The following ROBO2 variants were observed in gnomAD, a reference collection of about 807,000 sequenced individuals.
ROBO2 encodes the protein roundabout homolog 2.
In ROBO2, 53 loss-of-function variants were observed where a neutral mutation model predicts 160.8. The ratio of observed to expected loss-of-function variants is 0.33; its 90% CI spans 0.26 to 0.41. The LOEUF is 0.41. Ranked by LOEUF, ROBO2 falls within the 10% of genes least tolerant of loss-of-function variation. The pLI is 1.00. For missense variants in ROBO2, 1,577 were observed against 1,722.4 expected (o/e 0.92, Z 1.49); for synonymous variants, 664 against 611.7 (o/e 1.09, Z -1.26).
Position 75,952,155 on chromosome 3 carries a change from G to T in ROBO2, c.109+14553G>T, listed in dbSNP as rs148399295. Among the ~76,000 whole-genome samples, 9 of 152,034 alleles carry T rather than the reference G, an allele frequency of 5.9e-5. No individual in the cohort carries two copies. In the East Asian group the frequency reaches 1.8e-3, roughly 30 times the overall value. ...CTACATTGAAATGACTCACAATGCT[G>T]TCATGACATTGAGTTTTGTGGAAAC... On this transcript the variant is annotated intron_variant, in intron 2 of 26. Coordinates refer to the ROBO2 transcript ENST00000487694.
intron 2 of ROBO2, among the ~76,000 whole-genome samples, chr3:76,305,049 G>A (rs1345192115): frequency 6.6e-6 from 1 of 151,910 alleles, no homozygotes; most frequent in African/African-American, 2.4e-5. Context: ...TTACATTGCT[G>A]TTGTTGCAGA....
chr3:76,250,209 C>T (rs1705903068), intron 2 of ROBO2, among the ~76,000 whole-genome samples: 2 of 152,146 alleles, frequency 1.3e-5, no homozygotes, highest in South Asian at 4.1e-4. Flanking sequence ...CTGCTTTTAG[C>T]TTCAAAACCA....
intron 2 of ROBO2, among the ~76,000 whole-genome samples, chr3:76,336,353 C>A (rs2073892244): frequency 6.6e-6 from 1 of 152,176 alleles, no homozygotes; most frequent in African/African-American, 2.4e-5. Context: ...GGAAACACAG[C>A]TTCTTTTTGA....
intron 2 of ROBO2, among the ~76,000 whole-genome samples, chr3:76,908,039 C>T (rs903040459): frequency 6.6e-6 from 1 of 152,038 alleles, no homozygotes. Flanking sequence ...GGGTTTTCAC[C>T]ATGTTGGCCA....
rs575472563 is a variant in ROBO2 at position 76,882,669 on chromosome 3, G to T, written c.110-215345G>T. ...AGTTCTAATACAAATTTACAGTAAG[G>T]TTATATGCTTTTAAAAATCTATCAG... On this transcript the variant is annotated intron_variant, in intron 2 of 26. Transcript: ENST00000487694. Among the ~76,000 whole-genome samples the T allele has an allele frequency of 9.2e-5, 14 of 152,116 alleles. No individual in the cohort carries two copies. The South Asian group carries it at 2.7e-3, about 29-fold the overall frequency.
At position 76,992,717 on chromosome 3, in the gene ROBO2, A is replaced by T. The variant is rs189403599; in HGVS notation, c.110-105297A>T. The stretch of plus-strand genomic sequence containing the variant: ...TCTATCTTCCCCTGCCATAGGTAGC[A>T]TCTGAGTCACAAGAAATGGTATAGC... On this transcript the variant is annotated intron_variant, in intron 2 of 26. Coordinates refer to the ROBO2 transcript ENST00000487694. 1.8e-4 allele frequency among the ~76,000 whole-genome samples: 27 copies of T among 152,186 alleles called. No individual in the cohort carries two copies. In the East Asian group the frequency reaches 5.0e-3, roughly 28 times the overall value.
chr3:76,330,230 T>C (rs944014545), intron 2 of ROBO2, among the ~76,000 whole-genome samples: 2 of 152,144 alleles, frequency 1.3e-5, no homozygotes, highest in South Asian at 4.1e-4. Context: ...GAGATAGAGA[T>C]ACACCCAATT....
intron 2 of ROBO2, among the ~76,000 whole-genome samples, chr3:76,231,719 A>G (rs567491612): frequency 6.0e-4 from 92 of 152,322 alleles, no homozygotes; most frequent in African/African-American, 2.1e-3. Context: ...TTTAAGATCT[A>G]AGAAACAAGG....
rs144074115 is a variant in ROBO2 at position 77,075,958 on chromosome 3, G to A, written c.62-22056G>A. On this transcript the variant is annotated intron_variant, in intron 1 of 25. Transcript: ENST00000461745. ...CTCCCAAAGTGCTGGGATTACAGGC[G>A]TGAGCCACCACACCTGGCTTACATA... 1.9e-4 allele frequency among the ~76,000 whole-genome samples: 29 copies of A among 151,746 alleles called. No homozygotes were observed. In the East Asian group the frequency reaches 4.1e-3, roughly 21 times the overall value.
At chr3:77,606,780 C>A (rs1274131803) in intron 20 of ROBO2, among the ~76,000 whole-genome samples, 1 of 152,092 alleles carries the variant, frequency 6.6e-6, no homozygotes, top group African/African-American at 2.4e-5. Context: ...AGTTTTTGCT[C>A]ACAACTTGCG....
chr3:76,540,172 AAGG>A (rs541530573), intron 2 of ROBO2, among the ~76,000 whole-genome samples: 10 of 152,160 alleles, frequency 6.6e-5, no homozygotes, highest in African/African-American at 9.7e-5. Context: ...AGGGACCTTA[AAGG>A]AGGAGAAGAA....
intron 2 of ROBO2, among the ~76,000 whole-genome samples, chr3:76,548,748 C>T (rs551379635): frequency 1.3e-5 from 2 of 151,170 alleles, no homozygotes; most frequent in South Asian, 2.1e-4. Context: ...TTTGTGTCTA[C>T]TAACATCAAG....
At chr3:77,580,201 G>A in intron 16 of ROBO2, 83 bp downstream of exon 17, 1 of 1,224,986 alleles carries the variant, frequency 8.2e-7, no homozygotes. Flanking sequence ...CCTACTAATA[G>A]TGAATATACA....
chr3:77,233,199 T>C (rs1250207345), intron 2 of ROBO2, among the ~76,000 whole-genome samples: 1 of 152,192 alleles, frequency 6.6e-6, no homozygotes, highest in Admixed American at 6.5e-5. Flanking sequence ...ACTAATATGT[T>C]TGAAAATTCA....
chr3:77,140,181 C>G (rs1004044200), intron 2 of ROBO2, among the ~76,000 whole-genome samples: 2 of 152,128 alleles, frequency 1.3e-5, no homozygotes, highest in African/African-American at 4.8e-5. Context: ...CTCGTAGTGC[C>G]TTAGACGGAA....
chr3:77,393,146 T>G (rs1356129510), intron 2 of ROBO2, among the ~76,000 whole-genome samples: 6 of 152,168 alleles, frequency 3.9e-5, no homozygotes, highest in Non-Finnish European at 8.8e-5. Context: ...GAAATCTCAT[T>G]TTCTATTTTC....
chr3:76,413,060 A>G (rs1424560551), intron 2 of ROBO2, among the ~76,000 whole-genome samples: 2 of 152,204 alleles, frequency 1.3e-5, no homozygotes, highest in African/African-American at 2.4e-5. Flanking sequence ...GGAAGGTGCC[A>G]AGGCTTGGGG....
At chr3:76,622,623 T>C (rs959929568) in intron 2 of ROBO2, among the ~76,000 whole-genome samples, 4 of 152,112 alleles carry the variant, frequency 2.6e-5, no homozygotes, top group Non-Finnish European at 5.9e-5. Context: ...GTCTTTCCAG[T>C]TTCAATCCCC....
chr3:76,677,606 C>T (rs2092442949), intron 2 of ROBO2, among the ~76,000 whole-genome samples: 1 of 152,134 alleles, frequency 6.6e-6, no homozygotes, highest in South Asian at 2.1e-4. Flanking sequence ...GCCACAGGAC[C>T]CAGAGTGCGA....
Sources: allele counts gnomAD v4.1 joint callset (sites outside exome capture counted in the v4.1 genomes callset), GRCh38; gene constraint gnomAD v4.1.1; transcripts MANE v1.5; gene names NCBI Gene and HGNC (gene_info 2026-07-23, HGNC 2026-07-21).